Variants in KIAA0586 observed in about 807,000 individuals in gnomAD.
The protein encoded by KIAA0586 is protein TALPID3.
A neutral mutation model predicts 169.8 loss-of-function variants in KIAA0586; 144 were observed. The observed-to-expected ratio is 0.85, with a 90% confidence interval of 0.74 to 0.97. The LOEUF is 0.97. KIAA0586 is among the 50% of genes least tolerant of loss of function. KIAA0586 has a pLI of 0.00. For synonymous variants in KIAA0586, 625 were observed against 612.4 expected, an observed-to-expected ratio of 1.02 and a Z score of -0.30; for missense variants, 1,854 against 1,823.0, an observed-to-expected ratio of 1.02 and a Z score of -0.31.
chr14:58,492,386 C>T, intron 26 of KIAA0586, 111 bp downstream of exon 26: 1 of 789,726 alleles, frequency 1.3e-6, no homozygotes, highest in Non-Finnish European at 1.9e-6. Context: ...TTTCAAGGGT[C>T]AGTGTTACAG....
At chr14:58,433,564 C>T (rs564931402) in intron 4 of KIAA0586, among the ~76,000 whole-genome samples, 1 of 152,098 alleles carries the variant, frequency 6.6e-6, no homozygotes, top group African/African-American at 2.4e-5. Context: ...TGTAATACAT[C>T]GGGATACATA....
chr14:58,506,414 C>T (rs57817727), intron 27 of KIAA0586, among the ~76,000 whole-genome samples: 4 of 152,124 alleles, frequency 2.6e-5, no homozygotes, highest in Non-Finnish European at 5.9e-5. Flanking sequence ...CATGGTGGCT[C>T]ATGCCTGTAA....
At chr14:58,475,748 G>C (rs1292097134) in intron 19 of KIAA0586, among the ~76,000 whole-genome samples, 1 of 152,040 alleles carries the variant, frequency 6.6e-6, no homozygotes, top group Non-Finnish European at 1.5e-5. Flanking sequence ...ATAATGTACT[G>C]GCATATAAAC....
intron 30 of KIAA0586, among the ~76,000 whole-genome samples, chr14:58,544,447 T>C (rs1363783311): frequency 6.6e-6 from 1 of 152,164 alleles, no homozygotes; most frequent in Non-Finnish European, 1.5e-5. Flanking sequence ...AATCATTATA[T>C]TACTTTCCAT....
chr14:58,430,359 G>A (rs2037257226), intron 2 of KIAA0586, among the ~76,000 whole-genome samples: 1 of 152,136 alleles, frequency 6.6e-6, no homozygotes, highest in South Asian at 2.1e-4. Context: ...TAAATGACTT[G>A]CTCTGCTACA....
At position 58,482,557 on chromosome 14, in the gene KIAA0586, G is replaced by A; in HGVS notation, c.2989G>A (p.Gly997Ser). 1 of 1,577,646 alleles carries A rather than the reference G, an allele frequency of 6.3e-7. No individual in the cohort carries two copies. Among genetic ancestry groups the A allele is most frequent in the Non-Finnish European group, 8.6e-7 (1 of 1,159,630 alleles). ...SGALQLFVDA[G>S]VPVNSNVIKH... ...CGCCCTCCAGCTTTTTGTTGATGCT[G>A]GTGTTCCTGTGAACTCAAATGTGAT... The change falls in exon 21 of 31, where the codon GGT (glycine) becomes AGT (serine). Residue 997 changes from glycine (G) to serine (S), a missense_variant. Gly to Ser is a moderately conservative substitution (Grantham distance 56). Coordinates refer to ENST00000652326, the MANE Select transcript of KIAA0586 (RefSeq NM_001329943.3).
At chr14:58,475,085 T>G (rs1345910399) in intron 19 of KIAA0586, among the ~76,000 whole-genome samples, 1 of 152,180 alleles carries the variant, frequency 6.6e-6, no homozygotes, top group Non-Finnish European at 1.5e-5. Context: ...TTCCAGAAAC[T>G]TATCCTAAAG....
At chr14:58,446,793 A>T (rs898666158) in intron 6 of KIAA0586, among the ~76,000 whole-genome samples, 4 of 152,076 alleles carry the variant, frequency 2.6e-5, no homozygotes, top group African/African-American at 7.2e-5. Flanking sequence ...TCCCTGCATG[A>T]CTAAAATTGA....
Position 58,508,546 on chromosome 14 carries a change from T to C in KIAA0586, c.4169-9T>C. The C allele has an allele frequency of 6.5e-7, 1 of 1,546,252 alleles. No individual in the cohort carries two copies. Among genetic ancestry groups the C allele is most frequent in the South Asian group, 1.2e-5 (1 of 80,892 alleles). ...TATTTTAACTTTTTATTTACATTTT[T>C]GATAACAGGTAGTATTTATGAAGAT... is the stretch of plus-strand genomic sequence containing the variant. On this transcript the variant is annotated splice_polypyrimidine_tract_variant and intron_variant, in intron 27 of 30. Transcript: ENST00000652326.
At chr14:58,427,640 G>T (rs1211303591), upstream of KIAA0586, 2 of 1,535,670 alleles carry the variant, frequency 1.3e-6, no homozygotes, top group South Asian at 2.4e-5. Flanking sequence ...TGTTTTGGGT[G>T]AGTTTCTTGG....
Position 58,429,449 on chromosome 14 carries a change from C to G in KIAA0586, c.270+16C>G, listed in dbSNP as rs1187201508. On this transcript the variant is annotated intron_variant, in intron 2 of 30. Coordinates refer to ENST00000652326, the MANE Select transcript of KIAA0586 (RefSeq NM_001329943.3). Reference sequence around the variant, plus strand: ...GTCAGAAAGTGTAAGCAAAAGGATTCTTAATTATGCTCACGTTAAAATTTT... The same window carrying G: ...GTCAGAAAGTGTAAGCAAAAGGATTGTTAATTATGCTCACGTTAAAATTTT... 7.1e-7 allele frequency: 1 copy of G among 1,407,886 alleles called. No individual in the cohort carries two copies. Among genetic ancestry groups the G allele is most frequent in the Non-Finnish European group, 1.0e-6 (1 of 993,946 alleles). The allele number at this position is 1,407,886 out of a possible 1,614,324, so 87.2% of individuals were successfully genotyped here.
At chr14:58,437,528 T>C (rs1566781375) in intron 4 of KIAA0586, among the ~76,000 whole-genome samples, 1 of 151,676 alleles carries the variant, frequency 6.6e-6, no homozygotes, top group Admixed American at 6.6e-5. Flanking sequence ...CTGGGCAACA[T>C]AGCAAGACCC....
intron 26 of KIAA0586, among the ~76,000 whole-genome samples, chr14:58,497,870 A>ATTTTTT (rs557927775): frequency 1.0e-5 from 1 of 95,272 alleles, no homozygotes; most frequent in African/African-American, 4.0e-5. Flanking sequence ...AGTGGTTTTG[A>ATTTTTT]TTTTTTTTTT....
At chr14:58,471,106 C>T (rs2041183924) in intron 17 of KIAA0586, among the ~76,000 whole-genome samples, 1 of 152,158 alleles carries the variant, frequency 6.6e-6, no homozygotes, top group South Asian at 2.1e-4. Flanking sequence ...TCTACCTCGG[C>T]CTCCCAAGTT....
Position 58,545,990 on chromosome 14 carries a change from T to C in KIAA0586, c.4496-1791T>C, listed in dbSNP as rs1225922377. On this transcript the variant is annotated intron_variant, in intron 30 of 30. Transcript: ENST00000652326. ...TTGAGGCTGCAGTGAGCCATGATCA[T>C]GCCACTGCACTCCAGCCTAGGTGAC... Among the ~76,000 whole-genome samples, 4 of 152,158 alleles carry C rather than the reference T, an allele frequency of 2.6e-5. No individual in the cohort carries two copies. In the East Asian group the frequency reaches 7.7e-4, roughly 29 times the overall value.
Position 58,478,377 on chromosome 14 carries a change from G to A in KIAA0586, c.2944+1136G>A, listed in dbSNP as rs111431467. Among the ~76,000 whole-genome samples, 415 of 152,236 alleles carry A rather than the reference G, an allele frequency of 2.7e-3. 1 individual carries two copies. The highest frequency in any genetic ancestry group is 0.011 in the East Asian group (55 of 5,184). On this transcript the variant is annotated intron_variant, in intron 20 of 30. Coordinates refer to ENST00000652326, the MANE Select transcript of KIAA0586 (RefSeq NM_001329943.3). ...ACACACTTGTAATTGCAGCTACTCC[G>A]GAGGCTGAGACAGGAGAATTGCTTG...
chr14:58,545,659 A>G (rs1163473861), intron 30 of KIAA0586, among the ~76,000 whole-genome samples: 2 of 152,196 alleles, frequency 1.3e-5, no homozygotes, highest in Non-Finnish European at 2.9e-5. Flanking sequence ...TGTATTCTGC[A>G]TCATGGCTTT....
intron 11 of KIAA0586, 87 bp downstream of exon 11, chr14:58,458,066 A>G: frequency 2.4e-6 from 2 of 819,748 alleles, no homozygotes; most frequent in South Asian, 1.9e-5. Context: ...GTATTTTCCT[A>G]TTAGTTTTCA....
At chr14:58,429,233 T>C (rs2037151119) in intron 1 of KIAA0586, 130 bp from the exon 2 acceptor site, 1 of 598,644 alleles carries the variant, frequency 1.7e-6, no homozygotes, top group Non-Finnish European at 3.0e-6. Flanking sequence ...CTTAACTTTT[T>C]TTGCATGCAA....
Sources: gnomAD v4.1 joint callset for allele counts (sites outside exome capture counted in the v4.1 genomes callset) on GRCh38, gnomAD v4.1.1 for gene constraint, MANE v1.5 for transcripts, NCBI Gene and HGNC (gene_info 2026-07-23, HGNC 2026-07-21) for gene names.